NALF1: variants seen among roughly 807,000 people sequenced by gnomAD.
NALF1 encodes the protein NALCN channel auxiliary factor 1, also known as family with sequence similarity 155 member A.
A neutral mutation model predicts 48.4 loss-of-function variants in NALF1; 3 were observed. The observed-to-expected ratio is 0.06, with a 90% CI of 0.03 to 0.16. NALF1 has a LOEUF of 0.16. Ranked by LOEUF, NALF1 falls within the 10% of genes least tolerant of loss-of-function variation. The pLI is 1.00. For missense variants in NALF1, 526 were observed against 571.5 expected (o/e 0.92, Z 0.81); for synonymous variants, 262 against 245.7 (o/e 1.07, Z -0.62).
intron 1 of NALF1, among the ~76,000 whole-genome samples, chr13:107,238,083 A>G (rs547063634): frequency 1.8e-4 from 28 of 152,304 alleles, no homozygotes; most frequent in Admixed American, 1.6e-3. Flanking sequence ...GTACAAGCTA[A>G]CCGTTTAAAA....
chr13:107,379,227 C>A (rs1331303384), intron 1 of NALF1, among the ~76,000 whole-genome samples: 1 of 152,022 alleles, frequency 6.6e-6, no homozygotes, highest in African/African-American at 2.4e-5. Flanking sequence ...GAGTGATAAC[C>A]CAGAAATAAC....
At chr13:107,805,518 T>C (rs112118652) in intron 1 of NALF1, among the ~76,000 whole-genome samples, 1 of 152,168 alleles carries the variant, frequency 6.6e-6, no homozygotes, top group East Asian at 1.9e-4. Flanking sequence ...AGCTCTTTTG[T>C]TCTTACAGAG....
chr13:107,265,812 T>G (rs1244021174), intron 1 of NALF1, among the ~76,000 whole-genome samples: 1 of 152,218 alleles, frequency 6.6e-6, no homozygotes, highest in African/African-American at 2.4e-5. Context: ...ATATTGAAAT[T>G]TTTTGGTCAT....
intron 1 of NALF1, among the ~76,000 whole-genome samples, chr13:107,511,079 C>T (rs1875874194): frequency 1.3e-5 from 2 of 152,138 alleles, no homozygotes; most frequent in South Asian, 4.1e-4. Context: ...TGAGATGTCC[C>T]ATGCTTTCCC....
intron 1 of NALF1, among the ~76,000 whole-genome samples, chr13:107,568,348 C>T (rs2138399245): frequency 6.6e-6 from 1 of 152,354 alleles, no homozygotes; most frequent in South Asian, 2.1e-4. Flanking sequence ...CAACCTTTCT[C>T]TCACTGAAAG....
intron 1 of NALF1, among the ~76,000 whole-genome samples, chr13:107,254,423 A>C (rs1880770747): frequency 6.6e-6 from 1 of 152,164 alleles, no homozygotes; most frequent in Non-Finnish European, 1.5e-5. Flanking sequence ...GGCTGGAGGA[A>C]CTTTGTTCGT....
chr13:107,349,184 C>G (rs909493987), intron 1 of NALF1, among the ~76,000 whole-genome samples: 3 of 152,238 alleles, frequency 2.0e-5, no homozygotes, highest in African/African-American at 7.2e-5. Flanking sequence ...TGTGCATTTT[C>G]AGATATTTCG....
chr13:107,410,564 G>T (rs897354122), intron 1 of NALF1, among the ~76,000 whole-genome samples: 2 of 152,038 alleles, frequency 1.3e-5, no homozygotes, highest in African/African-American at 4.8e-5. Flanking sequence ...ACATACATGT[G>T]CATGCACACA....
At chr13:107,824,678 C>A (rs1879460377) in intron 1 of NALF1, among the ~76,000 whole-genome samples, 1 of 152,152 alleles carries the variant, frequency 6.6e-6, no homozygotes, top group Non-Finnish European at 1.5e-5. Flanking sequence ...TAGAAGATTC[C>A]CCCATTCTGT....
chr13:107,688,964 G>A (rs1881505058), intron 1 of NALF1, among the ~76,000 whole-genome samples: 1 of 152,158 alleles, frequency 6.6e-6, no homozygotes. Context: ...GAAGCAGGAG[G>A]GCACATTTTA....
At chr13:107,799,094 C>A (rs1237175063) in intron 1 of NALF1, among the ~76,000 whole-genome samples, 1 of 152,146 alleles carries the variant, frequency 6.6e-6, no homozygotes, top group Non-Finnish European at 1.5e-5. Flanking sequence ...AAAGCCTCTG[C>A]CCTTAAACAC....
intron 1 of NALF1, among the ~76,000 whole-genome samples, chr13:107,584,996 A>G (rs1406669273): frequency 3.3e-5 from 5 of 152,174 alleles, no homozygotes; most frequent in African/African-American, 9.7e-5. Context: ...GCACAGAAAG[A>G]TAAAGTAATC....
chr13:107,488,172 A>G (rs752820607), intron 1 of NALF1, among the ~76,000 whole-genome samples: 1 of 148,894 alleles, frequency 6.7e-6, no homozygotes, highest in Non-Finnish European at 1.5e-5. Flanking sequence ...TCTTATTAGT[A>G]TAGCTAGTGG....
intron 1 of NALF1, among the ~76,000 whole-genome samples, chr13:107,776,393 T>A (rs938278199): frequency 6.6e-6 from 1 of 152,094 alleles, no homozygotes; most frequent in African/African-American, 2.4e-5. Flanking sequence ...AAAGGAAAAA[T>A]TGTACACAAG....
At chr13:107,275,233 CA>C (rs933307716) in intron 1 of NALF1, among the ~76,000 whole-genome samples, 3 of 152,054 alleles carry the variant, frequency 2.0e-5, no homozygotes, top group African/African-American at 7.2e-5. Flanking sequence ...ATTAAAATTT[CA>C]AAAGTATCTA....
At chr13:107,225,610 G>A (rs1231844079) in intron 1 of NALF1, among the ~76,000 whole-genome samples, 2 of 146,038 alleles carry the variant, frequency 1.4e-5, no homozygotes, top group African/African-American at 2.5e-5. Context: ...TTCAACCAAC[G>A]AAATGGTGGG....
chr13:107,530,881 A>C (rs1876606091), intron 1 of NALF1, among the ~76,000 whole-genome samples: 1 of 152,112 alleles, frequency 6.6e-6, no homozygotes, highest in African/African-American at 2.4e-5. Context: ...GAAAACCAGC[A>C]GGATTGCCTG....
intron 1 of NALF1, among the ~76,000 whole-genome samples, chr13:107,263,249 G>GAAACAC (rs1555329356): frequency 7.2e-6 from 1 of 138,368 alleles, no homozygotes; most frequent in Non-Finnish European, 1.6e-5. Flanking sequence ...AATGCTAACA[G>GAAACAC]ACACACACAC....
chr13:107,252,195 T>C (rs1421087430), intron 1 of NALF1, among the ~76,000 whole-genome samples: 3 of 152,194 alleles, frequency 2.0e-5, no homozygotes, highest in African/African-American at 7.2e-5. Context: ...CGTGGTGTGA[T>C]TGCTGGAAGG....
Sources: allele counts gnomAD v4.1 joint callset (sites outside exome capture counted in the v4.1 genomes callset), GRCh38; gene constraint gnomAD v4.1.1; transcripts MANE v1.5; gene names NCBI Gene and HGNC (gene_info 2026-07-23, HGNC 2026-07-21).